The following DPP10 variants were observed in gnomAD, a reference collection of about 807,000 sequenced individuals.
DPP10 encodes the protein inactive dipeptidyl peptidase 10.
DPP10 carries 33 observed loss-of-function variants against 120.9 expected under a neutral mutation model. That is an observed-to-expected ratio of 0.27 (90% CI 0.21 to 0.37). DPP10 has a LOEUF of 0.37. Among genes scored for constraint, DPP10 ranks in the 10% least tolerant of loss-of-function variants. The probability of loss-of-function intolerance (pLI) is 1.00; values close to 1 mark genes in which losing one functional copy is unlikely to be tolerated. For synonymous variants in DPP10, 337 were observed against 326.1 expected, an observed-to-expected ratio of 1.03 and a Z score of -0.36; for missense variants, 816 against 942.8, an observed-to-expected ratio of 0.87 and a Z score of 1.76.
At chr2:114,893,219 T>C (rs1692686623) in intron 1 of DPP10, among the ~76,000 whole-genome samples, 1 of 152,192 alleles carries the variant, frequency 6.6e-6, no homozygotes, top group African/African-American at 2.4e-5. Context: ...TACACTAATG[T>C]TCCATGGACA....
chr2:115,805,425 T>C (rs1575833303), intron 19 of DPP10, among the ~76,000 whole-genome samples: 1 of 152,020 alleles, frequency 6.6e-6, no homozygotes. Flanking sequence ...CAGGGTGCGC[T>C]GTACCCACTG....
chr2:114,813,895 T>A (rs991214493), intron 1 of DPP10, among the ~76,000 whole-genome samples: 16 of 150,880 alleles, frequency 1.1e-4, no homozygotes, highest in African/African-American at 3.7e-4. Flanking sequence ...AAATCATGTT[T>A]AATAACTTAA....
intron 1 of DPP10, among the ~76,000 whole-genome samples, chr2:114,821,981 G>A (rs887108084): frequency 6.6e-6 from 1 of 152,120 alleles, no homozygotes; most frequent in African/African-American, 2.4e-5. Context: ...AGCTGTTAGT[G>A]AATCTACAAT....
At chr2:115,437,560 A>G (rs1200060345) in intron 3 of DPP10, among the ~76,000 whole-genome samples, 2 of 152,084 alleles carry the variant, frequency 1.3e-5, no homozygotes, top group Non-Finnish European at 2.9e-5. Flanking sequence ...TATCTAAGTT[A>G]TTTATGACAG....
chr2:114,522,769 C>CT (rs1685178734), intron 1 of DPP10, among the ~76,000 whole-genome samples: 1 of 152,116 alleles, frequency 6.6e-6, no homozygotes, highest in African/African-American at 2.4e-5. Context: ...CTGGGGAGGC[C>CT]TCACAATCAC....
intron 1 of DPP10, among the ~76,000 whole-genome samples, chr2:115,134,710 C>T (rs529198838): frequency 2.6e-4 from 39 of 151,818 alleles, no homozygotes; most frequent in Non-Finnish European, 3.7e-4. Flanking sequence ...ACAATATCAA[C>T]AGGGTCAGGG....
chr2:114,730,912 T>C (rs959189702), intron 1 of DPP10, among the ~76,000 whole-genome samples: 78 of 152,056 alleles, frequency 5.1e-4, no homozygotes, highest in African/African-American at 1.8e-3. Context: ...TTCTTTTTTT[T>C]TTTTTTAAAC....
intron 3 of DPP10, among the ~76,000 whole-genome samples, chr2:115,469,125 C>T (rs2074523554): frequency 6.6e-6 from 1 of 151,912 alleles, no homozygotes; most frequent in African/African-American, 2.4e-5. Context: ...TGGGGTTACA[C>T]CATGTTGGCC....
At chr2:114,883,186 A>G (rs748830072) in intron 1 of DPP10, among the ~76,000 whole-genome samples, 4 of 152,180 alleles carry the variant, frequency 2.6e-5, no homozygotes, top group Admixed American at 2.6e-4. Flanking sequence ...GCCAGTAGCT[A>G]CTACGCATTA....
intron 1 of DPP10, among the ~76,000 whole-genome samples, chr2:114,499,463 G>T (rs1228899935): frequency 1.3e-5 from 2 of 152,128 alleles, no homozygotes; most frequent in East Asian, 3.9e-4. Flanking sequence ...CAACTCTATA[G>T]TACACTCCAT....
At chr2:115,086,455 T>C (rs1708706022) in intron 1 of DPP10, among the ~76,000 whole-genome samples, 1 of 7,930 alleles carries the variant, frequency 1.3e-4, no homozygotes, top group Admixed American at 1.2e-3. Flanking sequence ...TGTATTTCTT[T>C]TTTTTTTTTT....
rs371459665 is a variant in DPP10, at chr2:114,945,731, G to A, written c.61-363508G>A. ...CTTGGGAGGCTTAGGTGGGAGAATC[G>A]CTTGAACCCAGGAGGCAGAGATTAC... On this transcript the variant is annotated intron_variant, in intron 1 of 25. Transcript: ENST00000410059. Among the ~76,000 whole-genome samples the A allele has an allele frequency of 4.7e-4, 71 of 152,210 alleles. No individual in the cohort carries two copies. The South Asian group carries it at 5.8e-3, about 12-fold the overall frequency.
At chr2:115,621,901 C>T (rs2149284024) in intron 5 of DPP10, among the ~76,000 whole-genome samples, 1 of 152,252 alleles carries the variant, frequency 6.6e-6, no homozygotes, top group East Asian at 1.9e-4. Flanking sequence ...TGGTCTCAAA[C>T]TCCTGACCTC....
intron 1 of DPP10, among the ~76,000 whole-genome samples, chr2:115,155,273 C>G (rs902979857): frequency 2.6e-5 from 4 of 152,058 alleles, no homozygotes; most frequent in African/African-American, 9.7e-5. Flanking sequence ...ATAGACACTA[C>G]AAAGAGTGAA....
intron 3 of DPP10, among the ~76,000 whole-genome samples, chr2:115,357,930 G>A (rs986004377): frequency 3.3e-5 from 5 of 152,102 alleles, no homozygotes; most frequent in Admixed American, 1.3e-4. Flanking sequence ...CTTTTAGCTA[G>A]GTTTGAAGAG....
intron 5 of DPP10, among the ~76,000 whole-genome samples, chr2:115,539,629 C>T (rs1167133265): frequency 1.3e-5 from 2 of 151,744 alleles, no homozygotes; most frequent in Admixed American, 6.6e-5. Flanking sequence ...TGTGACTTTC[C>T]AACTAATATG....
At chr2:115,498,471 A>G (rs936980110) in intron 3 of DPP10, among the ~76,000 whole-genome samples, 2 of 151,920 alleles carry the variant, frequency 1.3e-5, no homozygotes, top group African/African-American at 4.8e-5. Context: ...GGAGACATTC[A>G]GTTTCTGAGA....
At chr2:115,237,060 A>G (rs916694351) in intron 1 of DPP10, among the ~76,000 whole-genome samples, 4 of 152,204 alleles carry the variant, frequency 2.6e-5, no homozygotes, top group Non-Finnish European at 2.9e-5. Context: ...CCAGGTTCCT[A>G]CTATGAAGCT....
rs752991108 is a variant in DPP10, at chr2:114,942,298, C to CATAT, written c.61-366921_61-366918dup. Reference sequence around the variant, plus strand: ...AAAAAAAAAAATGTGTATATATATACATATATATATATATATATATATACA... The same window carrying CATAT: ...AAAAAAAAAAATGTGTATATATATACATATATATATATATATATATATATATACA... On this transcript the variant is annotated intron_variant, in intron 1 of 25. Coordinates refer to ENST00000410059, the MANE Select transcript of DPP10 (RefSeq NM_020868.6). Among the ~76,000 whole-genome samples, 454 of 104,666 alleles carry CATAT rather than the reference C, an allele frequency of 4.3e-3. 8 individuals are homozygous for CATAT. The highest frequency in any genetic ancestry group is 0.013 in the African/African-American group (330 of 25,258). The allele number at this position is 104,666 out of a possible 152,430, so 68.7% of individuals were successfully genotyped here.
Sources: allele counts gnomAD v4.1 joint callset (sites outside exome capture counted in the v4.1 genomes callset), GRCh38; gene constraint gnomAD v4.1.1; transcripts MANE v1.5; gene names NCBI Gene and HGNC (gene_info 2026-07-23, HGNC 2026-07-21).